FAM177A1: variants seen among roughly 807,000 people sequenced by gnomAD.
FAM177A1 encodes the protein family with sequence similarity 177 member A1.
Under a neutral mutation model 26.1 loss-of-function variants are expected in FAM177A1, and 22 were observed. That is an observed-to-expected ratio of 0.84 (90% CI 0.60 to 1.20). The LOEUF is 1.20. Ranked by LOEUF, FAM177A1 falls within the 50% of genes most tolerant of loss-of-function variation. FAM177A1 has a pLI of 0.00. For missense variants in FAM177A1, 296 were observed against 291.1 expected (o/e 1.02, Z -0.12); for synonymous variants, 95 against 99.3 (o/e 0.96, Z 0.26).
intron 2 of FAM177A1, among the ~76,000 whole-genome samples, chr14:35,061,406 A>G (rs1264819489): frequency 6.6e-6 from 1 of 151,034 alleles, no homozygotes; most frequent in Non-Finnish European, 1.5e-5. Context: ...TGTCTGAATA[A>G]CACCTTCACT....
At chr14:35,078,140 A>G (rs1057391224) in intron 3 of FAM177A1, among the ~76,000 whole-genome samples, 1 of 152,200 alleles carries the variant, frequency 6.6e-6, no homozygotes. Context: ...AGCACTGAAT[A>G]TATGCTAGAC....
At chr14:35,076,246 G>A (rs2045393839) in intron 2 of FAM177A1, among the ~76,000 whole-genome samples, 1 of 152,130 alleles carries the variant, frequency 6.6e-6, no homozygotes. Context: ...TATACACCAT[G>A]GAATCCTATG....
chr14:35,051,527 C>G (rs552711172), intron 1 of FAM177A1, among the ~76,000 whole-genome samples: 1 of 152,320 alleles, frequency 6.6e-6, no homozygotes, highest in Non-Finnish European at 1.5e-5. Context: ...ATTCTCATGC[C>G]TCAGCCTCCC....
chr14:35,081,291 A>G lies in FAM177A1; in HGVS notation c.*63A>G, dbSNP rs2045480877. Reference sequence around the variant, plus strand: ...TTTTTTTTAATACAAAAACTTTCACATTCTTTATTCAGTGGGACTTAATAC... The same window carrying G: ...TTTTTTTTAATACAAAAACTTTCACGTTCTTTATTCAGTGGGACTTAATAC... On this transcript the variant is annotated 3_prime_UTR_variant, in exon 5 of 5. Coordinates refer to ENST00000280987, the MANE Select transcript of FAM177A1 (RefSeq NM_173607.5). The G allele has an allele frequency of 6.8e-7, 1 of 1,470,304 alleles. No homozygotes were observed. Among genetic ancestry groups the G allele is most frequent in the African/African-American group, 1.4e-5 (1 of 70,128 alleles). The allele number at this position is 1,470,304 out of a possible 1,614,324, so 91.1% of individuals were successfully genotyped here.
intron 2 of FAM177A1, among the ~76,000 whole-genome samples, chr14:35,072,209 A>T (rs1286325433): frequency 6.6e-6 from 1 of 152,168 alleles, no homozygotes; most frequent in Admixed American, 6.5e-5. Flanking sequence ...TGGGAGGCGG[A>T]GGTTGCAGTG....
intron 3 of FAM177A1, among the ~76,000 whole-genome samples, chr14:35,078,170 A>G (rs1171818591): frequency 6.6e-6 from 1 of 152,204 alleles, no homozygotes; most frequent in African/African-American, 2.4e-5. Flanking sequence ...TAATGGAAAG[A>G]GCATGAGCTT....
chr14:35,053,286 C>T lies in FAM177A1; in HGVS notation c.174C>T (p.Asn58=), dbSNP rs113488536. ...AAATATCGTTGATATAGATGAGTAACGAAAGAGGCTTTGAAAATGTAGAAC... is the reference window on the plus strand; with the variant it reads ...AAATATCGTTGATATAGATGAGTAATGAAAGAGGCTTTGAAAATGTAGAAC... ...AFGESAGQMS[N]ERGFENVELG... is the part of the protein sequence containing the mutation. Residue 58 remains asparagine (N), a synonymous_variant, in exon 2 of 5, where the codon AAC becomes AAT. Coordinates refer to ENST00000280987, the MANE Select transcript of FAM177A1 (RefSeq NM_173607.5). 1,772 of 1,609,392 alleles carry T rather than the reference C, an allele frequency of 1.1e-3. 12 individuals carry two copies. In the Middle Eastern group the frequency reaches 0.024, roughly 22 times the overall value.
Position 35,046,362 on chromosome 14 carries a change from T to G in FAM177A1, c.-102T>G, listed in dbSNP as rs2044861471. The G allele has an allele frequency of 7.5e-7, 1 of 1,328,822 alleles. No individual in the cohort carries two copies. The highest frequency in any genetic ancestry group is 1.6e-5 in the African/African-American group (1 of 63,724). The allele number at this position is 1,328,822 out of a possible 1,614,324, so 82.3% of individuals were successfully genotyped here. A position where few individuals can be genotyped will look rare whatever the true frequency, so the allele number is the denominator to read the frequency against. ...CGCCCCTCAGGCCGGCGAGTCCCCT[T>G]CTCAGAGACTTGGCTAGGCGCGGCG... On this transcript the variant is annotated 5_prime_UTR_variant, in exon 1 of 5. Transcript: ENST00000280987.
At chr14:35,061,705 T>C (rs2045160712) in intron 2 of FAM177A1, among the ~76,000 whole-genome samples, 1 of 151,178 alleles carries the variant, frequency 6.6e-6, no homozygotes, top group East Asian at 2.0e-4. Flanking sequence ...ATGGCACATG[T>C]ATACATATGT....
rs1595032738 is a variant in FAM177A1, at chr14:35,046,943, G to T, written c.165+315G>T. 7.9e-6 allele frequency: 9 copies of T among 1,138,850 alleles called. No homozygotes were observed. The African/African-American group carries it at 9.7e-5, about 12-fold the overall frequency. 70.5% of individuals were successfully genotyped at this position (1,138,850 alleles called of 1,614,324 possible). On this transcript the variant is annotated intron_variant, in intron 1 of 4. Coordinates refer to ENST00000280987, the MANE Select transcript of FAM177A1 (RefSeq NM_173607.5). Reference sequence around the variant, plus strand: ...TCCCCCAAAGGCTGTCCTTGCAGTAGCTGGAAGCCAGGTGAGGGCGGCTTC... The same window carrying T: ...TCCCCCAAAGGCTGTCCTTGCAGTATCTGGAAGCCAGGTGAGGGCGGCTTC...
chr14:35,072,879 C>A (rs1365974018), intron 2 of FAM177A1, among the ~76,000 whole-genome samples: 1 of 152,134 alleles, frequency 6.6e-6, no homozygotes, highest in Non-Finnish European at 1.5e-5. Flanking sequence ...TCTACCATAT[C>A]TTTCATGATT....
At chr14:35,045,055 C>G (rs1194469046), upstream of FAM177A1, 1 of 152,110 alleles carries the variant, frequency 6.6e-6, no homozygotes, top group Admixed American at 6.5e-5. Context: ...TAATGCAGAA[C>G]TGTGTTGTTT....
intron 2 of FAM177A1, among the ~76,000 whole-genome samples, chr14:35,072,198 C>A (rs2045331636): frequency 6.6e-6 from 1 of 152,006 alleles, no homozygotes; most frequent in Non-Finnish European, 1.5e-5. Context: ...TCACTTGAAC[C>A]TGGGAGGCGG....
intron 1 of FAM177A1, among the ~76,000 whole-genome samples, chr14:35,052,031 T>C (rs868341190): frequency 9.2e-5 from 14 of 152,168 alleles, no homozygotes; most frequent in Admixed American, 2.6e-4. Context: ...CTCTGGACTA[T>C]CCTAGAGAAT....
At chr14:35,052,364 G>A (rs1025456358) in intron 1 of FAM177A1, among the ~76,000 whole-genome samples, 1 of 151,972 alleles carries the variant, frequency 6.6e-6, no homozygotes, top group African/African-American at 2.4e-5. Flanking sequence ...TGGGACTACA[G>A]GCACCCGCTG....
chr14:35,068,076 G>C (rs1446399576), intron 2 of FAM177A1, among the ~76,000 whole-genome samples: 4 of 152,042 alleles, frequency 2.6e-5, no homozygotes, highest in Non-Finnish European at 5.9e-5. Context: ...AGCTTTTGGG[G>C]TCAAATCCAA....
At chr14:35,080,440 A>G (rs2045463056) in intron 4 of FAM177A1, among the ~76,000 whole-genome samples, 1 of 152,206 alleles carries the variant, frequency 6.6e-6, no homozygotes, top group South Asian at 2.1e-4. Context: ...TGAAAAAAAT[A>G]AAGTCCTTGT....
chr14:35,057,326 G>T (rs1171689087), intron 2 of FAM177A1, among the ~76,000 whole-genome samples: 4 of 152,074 alleles, frequency 2.6e-5, no homozygotes, highest in African/African-American at 9.7e-5. Context: ...CTCACAAGTA[G>T]TAGGGTTTAC....
chr14:35,076,999 GAT>G, intron 2 of FAM177A1, 149 bp from the exon 3 acceptor site: 1 of 648,162 alleles, frequency 1.5e-6, no homozygotes, highest in Non-Finnish European at 2.8e-6. Flanking sequence ...TAACTCTACA[GAT>G]TTTAAATTGT....
Sources: gnomAD v4.1 joint callset for allele counts (sites outside exome capture counted in the v4.1 genomes callset) on GRCh38, gnomAD v4.1.1 for gene constraint, MANE v1.5 for transcripts, NCBI Gene and HGNC (gene_info 2026-07-23, HGNC 2026-07-21) for gene names.